ONECUT2: variants seen among roughly 807,000 people sequenced by gnomAD.
The protein encoded by ONECUT2 is one cut homeobox 2.
In ONECUT2, 10 loss-of-function variants were observed where a neutral mutation model predicts 27.9. That is an observed-to-expected ratio of 0.36 (90% CI 0.22 to 0.61). The LOEUF is 0.61. Ranked by LOEUF, ONECUT2 falls within the 20% of genes least tolerant of loss-of-function variation. The pLI is 0.73. For missense variants in ONECUT2, 686 were observed against 721.0 expected (o/e 0.95, Z 0.56); for synonymous variants, 334 against 315.1 (o/e 1.06, Z -0.64).
chr18:57,480,553 CAGA>C lies in ONECUT2; in HGVS notation c.*3835_*3837del, dbSNP rs1234012499. 6 of 147,286 alleles carry C rather than the reference CAGA, an allele frequency of 4.1e-5. No homozygotes were observed. The highest frequency in any genetic ancestry group is 2.1e-4 in the Admixed American group (3 of 14,364). The allele number at this position is 147,286 out of a possible 1,614,324, so 9.1% of individuals were successfully genotyped here. A position where few individuals can be genotyped will look rare whatever the true frequency, so the allele number is the denominator to read the frequency against. ...TTGGTCAAACCAGTCCTCTGATAAT[CAGA>C]AGAACATGTCATAATTGTTTAAAAA... On this transcript the variant is annotated 3_prime_UTR_variant, in exon 2 of 2. Coordinates refer to ENST00000491143, the MANE Select transcript of ONECUT2 (RefSeq NM_004852.3).
rs1183919364 is a variant in ONECUT2, at chr18:57,489,165, G to T, written c.*12442G>T. The T allele has an allele frequency of 6.6e-6, 1 of 152,230 alleles. No homozygotes were observed. Among genetic ancestry groups the T allele is most frequent in the Non-Finnish European group, 1.5e-5 (1 of 68,108 alleles). 9.4% of individuals were successfully genotyped at this position (152,230 alleles called of 1,614,324 possible). A position where few individuals can be genotyped will look rare whatever the true frequency, so the allele number is the denominator to read the frequency against. Reference sequence around the variant, plus strand: ...AAAGGATCCAGGTCCCCTCCATCCAGTGGGGCTCTTCCACATCAGAAGTCC... The same window carrying T: ...AAAGGATCCAGGTCCCCTCCATCCATTGGGGCTCTTCCACATCAGAAGTCC... On this transcript the variant is annotated 3_prime_UTR_variant, in exon 2 of 2. Transcript: ENST00000491143.
rs1395678960 is a variant in ONECUT2, at chr18:57,478,345, T to A, written c.*1622T>A. On this transcript the variant is annotated 3_prime_UTR_variant, in exon 2 of 2. Transcript: ENST00000491143. ...CAAAGCAAGCCAAACGCTGCAATCA[T>A]TCTTTACAGACACTTGAGACTGACT... The A allele has an allele frequency of 6.6e-6, 1 of 152,658 alleles. No individual in the cohort carries two copies. The highest frequency in any genetic ancestry group is 1.5e-5 in the Non-Finnish European group (1 of 68,048). The allele number at this position is 152,658 out of a possible 1,614,324, so 9.5% of individuals were successfully genotyped here.
In ONECUT2 at chr18:57,476,681, AG is replaced by A. The variant is rs2050384242; in HGVS notation, c.1478del (p.Gly493AlafsTer26). 4.3e-6 allele frequency: 7 copies of A among 1,614,206 alleles called. No homozygotes were observed. The highest frequency in any genetic ancestry group is 5.9e-6 in the Non-Finnish European group (7 of 1,180,032). On this transcript the variant is annotated frameshift_variant, in exon 2 of 2. Transcript: ENST00000491143. LOFTEE classifies it high-confidence loss of function. ...AGAAGTGGCAAGACGATCTGAGCAC[AG>A]GGGGCTCCTCGTCCACCTCCAGCAC... Reference protein sequence around the residue: ...LEKWQDDLSTGGSSSTSSTCT... With the variant: ...LEKWQDDLSTXGSSSTSSTCT...
intron 1 of ONECUT2, among the ~76,000 whole-genome samples, chr18:57,464,545 G>A (rs1236577000): frequency 6.6e-6 from 1 of 151,976 alleles, no homozygotes; most frequent in Non-Finnish European, 1.5e-5. Context: ...GTCTTTGACT[G>A]GACTTCCAAA....
chr18:57,441,593 C>A (rs2050174432), intron 1 of ONECUT2, among the ~76,000 whole-genome samples: 1 of 152,282 alleles, frequency 6.6e-6, no homozygotes, highest in Non-Finnish European at 1.5e-5. Context: ...CGGCTGGGTC[C>A]GCGAAGCCAA....
chr18:57,451,493 A>G (rs919516300), intron 1 of ONECUT2, among the ~76,000 whole-genome samples: 4 of 152,218 alleles, frequency 2.6e-5, no homozygotes, highest in Non-Finnish European at 4.4e-5. Context: ...CTACGGCACC[A>G]TAGCCTAGAC....
At chr18:57,472,635 G>C (rs1598943477) in intron 1 of ONECUT2, among the ~76,000 whole-genome samples, 1 of 152,038 alleles carries the variant, frequency 6.6e-6, no homozygotes. Context: ...AGGATGTATT[G>C]ATCTGTTCTC....
intron 1 of ONECUT2, among the ~76,000 whole-genome samples, chr18:57,475,298 C>T (rs11664799): frequency 0.049 from 7,493 of 152,086 alleles, 681 homozygotes; most frequent in East Asian, 0.36. Context: ...CCTCATGATA[C>T]ACCTGCCTTG....
At chr18:57,452,208 G>T (rs892916171) in intron 1 of ONECUT2, among the ~76,000 whole-genome samples, 5 of 152,120 alleles carry the variant, frequency 3.3e-5, no homozygotes, top group Non-Finnish European at 7.3e-5. Flanking sequence ...TGACATGCTT[G>T]ATCTTCTCGA....
intron 1 of ONECUT2, among the ~76,000 whole-genome samples, chr18:57,468,955 C>T (rs2050338810): frequency 6.6e-6 from 1 of 152,156 alleles, no homozygotes; most frequent in African/African-American, 2.4e-5. Context: ...TCTTGTCATT[C>T]TATCAGTACT....
In ONECUT2 at chr18:57,489,392, C is replaced by T. The variant is rs764050212; in HGVS notation, c.*12669C>T. ...ATCTCCCTGTGCTTTGCTCCCATCT[C>T]AGGGGGCAGGGGCAGTGCACATTGC... On this transcript the variant is annotated 3_prime_UTR_variant, in exon 2 of 2. Coordinates refer to ENST00000491143, the MANE Select transcript of ONECUT2 (RefSeq NM_004852.3). 6.6e-6 allele frequency: 1 copy of T among 152,206 alleles called. No homozygotes were observed. The highest frequency in any genetic ancestry group is 2.4e-5 in the African/African-American group (1 of 41,462). 9.4% of individuals were successfully genotyped at this position (152,206 alleles called of 1,614,324 possible).
chr18:57,462,745 T>TTG, intron 1 of ONECUT2, among the ~76,000 whole-genome samples: 1 of 147,180 alleles, frequency 6.8e-6, no homozygotes, highest in Non-Finnish European at 1.5e-5. Context: ...TTTTTTTTTT[T>TTG]TTTGAGACAG....
In ONECUT2 at chr18:57,477,798, T is replaced by G. The variant is rs988060000; in HGVS notation, c.*1075T>G. 4 of 152,530 alleles carry G rather than the reference T, an allele frequency of 2.6e-5. No homozygotes were observed. The highest frequency in any genetic ancestry group is 9.7e-5 in the African/African-American group (4 of 41,440). The allele number at this position is 152,530 out of a possible 1,614,324, so 9.4% of individuals were successfully genotyped here. ...GTGTTATGACCACCACGTAATCCAT[T>G]CTCGCTCTTTCTGATTTGGGGTTTT... On this transcript the variant is annotated 3_prime_UTR_variant, in exon 2 of 2. Transcript: ENST00000491143.
intron 1 of ONECUT2, 94 bp downstream of exon 1, chr18:57,437,038 TG>T (rs2050146662): frequency 3.4e-6 from 5 of 1,468,322 alleles, no homozygotes; most frequent in Non-Finnish European, 4.5e-6. Flanking sequence ...TCACTTCTCT[TG>T]ATTCTTTCCT....
intron 1 of ONECUT2, among the ~76,000 whole-genome samples, chr18:57,463,659 T>C (rs1051501009): frequency 2.0e-5 from 3 of 152,204 alleles, no homozygotes; most frequent in Admixed American, 6.5e-5. Flanking sequence ...GTTTTGTAGT[T>C]TTCCCTGTCA....
Position 57,480,451 on chromosome 18 carries a change from T to C in ONECUT2, c.*3728T>C, listed in dbSNP as rs1024220363. ...TTAGTGATTCTTTGACATACTAATC[T>C]CAGCGTTTGGGTCTCCAGCATCCTC... On this transcript the variant is annotated 3_prime_UTR_variant, in exon 2 of 2. Coordinates refer to ENST00000491143, the MANE Select transcript of ONECUT2 (RefSeq NM_004852.3). 4 of 152,202 alleles carry C rather than the reference T, an allele frequency of 2.6e-5. No individual in the cohort carries two copies. Among genetic ancestry groups the C allele is most frequent in the Non-Finnish European group, 4.4e-5 (3 of 68,048 alleles). The allele number at this position is 152,202 out of a possible 1,614,324, so 9.4% of individuals were successfully genotyped here. A position where few individuals can be genotyped will look rare whatever the true frequency, so the allele number is the denominator to read the frequency against.
At chr18:57,449,224 T>C (rs975930837) in intron 1 of ONECUT2, among the ~76,000 whole-genome samples, 1 of 152,240 alleles carries the variant, frequency 6.6e-6, no homozygotes, top group African/African-American at 2.4e-5. Context: ...AGAACATAGA[T>C]AGGTATCGCC....
chr18:57,456,298 C>T (rs2050259106), intron 1 of ONECUT2, among the ~76,000 whole-genome samples: 1 of 152,156 alleles, frequency 6.6e-6, no homozygotes, highest in Admixed American at 6.5e-5. Context: ...GTGTTCACTG[C>T]AGTGTTATTC....
chr18:57,474,272 A>T (rs2050369630), intron 1 of ONECUT2, among the ~76,000 whole-genome samples: 1 of 152,194 alleles, frequency 6.6e-6, no homozygotes, highest in Admixed American at 6.5e-5. Context: ...AGCACACAGC[A>T]TCCAGCAGGG....
Sources: allele counts gnomAD v4.1 joint callset (sites outside exome capture counted in the v4.1 genomes callset), GRCh38; gene constraint gnomAD v4.1.1; transcripts MANE v1.5; gene names NCBI Gene and HGNC (gene_info 2026-07-23, HGNC 2026-07-21).